The following GRID2 variants were observed in gnomAD, a reference collection of about 807,000 sequenced individuals.
GRID2 encodes glutamate receptor ionotropic, delta-2.
In GRID2, 33 loss-of-function variants were observed where a neutral mutation model predicts 114.8. The ratio of observed to expected loss-of-function variants is 0.29; its 90% CI spans 0.22 to 0.38. The LOEUF (loss-of-function observed/expected upper bound fraction) is 0.38, where lower values mean the gene tolerates loss of function less well. Among genes scored for constraint, GRID2 ranks in the 10% least tolerant of loss-of-function variants. The probability of loss-of-function intolerance (pLI) is 1.00; values close to 1 mark genes in which losing one functional copy is unlikely to be tolerated. For synonymous variants in GRID2, 505 were observed against 449.9 expected, an observed-to-expected ratio of 1.12 and a Z score of -1.55; for missense variants, 1,184 against 1,257.7, an observed-to-expected ratio of 0.94 and a Z score of 0.89.
chr4:92,438,307 G>A (rs1396860871), intron 1 of GRID2, among the ~76,000 whole-genome samples: 1 of 151,946 alleles, frequency 6.6e-6, no homozygotes, highest in African/African-American at 2.4e-5. Context: ...ACAGTATGAT[G>A]TATTTGTCAT....
intron 14 of GRID2, among the ~76,000 whole-genome samples, chr4:93,673,996 G>A (rs541416382): frequency 1.3e-5 from 2 of 151,024 alleles, no homozygotes; most frequent in African/African-American, 4.9e-5. Flanking sequence ...TCAGACTCAT[G>A]ACTTTTGGCT....
intron 2 of GRID2, among the ~76,000 whole-genome samples, chr4:92,746,053 C>G (rs1392726506): frequency 6.6e-6 from 1 of 152,078 alleles, no homozygotes; most frequent in African/African-American, 2.4e-5. Flanking sequence ...CGTCTGCATC[C>G]AGCCACTTTT....
intron 1 of GRID2, among the ~76,000 whole-genome samples, chr4:92,326,559 T>C (rs776207282): frequency 4.6e-5 from 7 of 151,904 alleles, no homozygotes; most frequent in South Asian, 2.1e-4. Flanking sequence ...AATGACTACA[T>C]CCATAATCTG....
At chr4:93,540,590 C>T (rs1379896659) in intron 13 of GRID2, among the ~76,000 whole-genome samples, 1 of 152,100 alleles carries the variant, frequency 6.6e-6, no homozygotes, top group Non-Finnish European at 1.5e-5. Flanking sequence ...ACAAATGGGA[C>T]AGAAGAGCTG....
At chr4:93,169,275 T>C (rs1738569974) in intron 4 of GRID2, among the ~76,000 whole-genome samples, 1 of 152,132 alleles carries the variant, frequency 6.6e-6, no homozygotes, top group Non-Finnish European at 1.5e-5. Context: ...TTTATTGATG[T>C]ACTTTCACAC....
chr4:93,683,380 C>A (rs1184611878), intron 14 of GRID2, among the ~76,000 whole-genome samples: 1 of 151,978 alleles, frequency 6.6e-6, no homozygotes, highest in Non-Finnish European at 1.5e-5. Context: ...GACTGGAATT[C>A]GCCTTAAGAT....
chr4:92,623,563 T>C (rs1730378504), intron 2 of GRID2, among the ~76,000 whole-genome samples: 2 of 151,842 alleles, frequency 1.3e-5, no homozygotes, highest in South Asian at 4.1e-4. Flanking sequence ...TTGAGTGGAA[T>C]AAAATGTGTG....
intron 4 of GRID2, among the ~76,000 whole-genome samples, chr4:93,114,869 C>A (rs1733092026): frequency 1.3e-5 from 2 of 152,060 alleles, no homozygotes; most frequent in South Asian, 4.1e-4. Flanking sequence ...GTGGAAGAGG[C>A]AGCATATAAT....
At chr4:92,665,016 T>A (rs573066555) in intron 2 of GRID2, among the ~76,000 whole-genome samples, 1 of 150,584 alleles carries the variant, frequency 6.6e-6, no homozygotes, top group African/African-American at 2.4e-5. Flanking sequence ...CAGAGCTTAA[T>A]CTACTTATGT....
intron 1 of GRID2, among the ~76,000 whole-genome samples, chr4:92,486,890 T>G (rs149892617): frequency 9.2e-5 from 14 of 152,134 alleles, no homozygotes; most frequent in African/African-American, 3.1e-4. Flanking sequence ...CTCAGAGATA[T>G]GGATATACAG....
chr4:93,601,287 T>G (rs535198871), intron 13 of GRID2, among the ~76,000 whole-genome samples: 1 of 152,096 alleles, frequency 6.6e-6, no homozygotes, highest in Admixed American at 6.6e-5. Flanking sequence ...GAACTGAAAA[T>G]AGAGTATATG....
At chr4:92,925,971 A>C (rs1242429332) in intron 2 of GRID2, among the ~76,000 whole-genome samples, 1 of 152,026 alleles carries the variant, frequency 6.6e-6, no homozygotes, top group African/African-American at 2.4e-5. Flanking sequence ...CTACTTACTA[A>C]TGTAAGTAGT....
rs72886260 is a variant in GRID2, at chr4:93,492,628, A to C, written c.1997+1851A>C. ...ACTTTTGTGTTATAGGCATGTAGGCATATATCCCAACATGAGTTAATTATG... is the reference window on the plus strand; with the variant it reads ...ACTTTTGTGTTATAGGCATGTAGGCCTATATCCCAACATGAGTTAATTATG... On this transcript the variant is annotated intron_variant, in intron 12 of 15. Coordinates refer to ENST00000282020, the MANE Select transcript of GRID2 (RefSeq NM_001510.4). Among the ~76,000 whole-genome samples the C allele has an allele frequency of 3.8e-3, 577 of 152,014 alleles. 1 individual carries two copies. Among genetic ancestry groups the C allele is most frequent in the African/African-American group, 0.013 (556 of 41,546 alleles).
chr4:92,532,501 C>A (rs970396851), intron 1 of GRID2, among the ~76,000 whole-genome samples: 4 of 152,060 alleles, frequency 2.6e-5, no homozygotes, highest in African/African-American at 7.2e-5. Flanking sequence ...TGATGATAAT[C>A]ATGTGAAAGT....
chr4:93,011,388 A>G (rs1257511939), intron 2 of GRID2, among the ~76,000 whole-genome samples: 2 of 152,012 alleles, frequency 1.3e-5, no homozygotes, highest in Non-Finnish European at 2.9e-5. Flanking sequence ...ACCTGCCAGT[A>G]GTGATAAAAA....
intron 2 of GRID2, among the ~76,000 whole-genome samples, chr4:92,799,017 A>G (rs997117468): frequency 1.3e-5 from 2 of 151,850 alleles, no homozygotes; most frequent in South Asian, 2.1e-4. Context: ...GTGGAAGACA[A>G]TTTTTCCATG....
intron 14 of GRID2, among the ~76,000 whole-genome samples, chr4:93,726,511 A>G (rs1167510397): frequency 6.6e-6 from 1 of 152,120 alleles, no homozygotes; most frequent in African/African-American, 2.4e-5. Flanking sequence ...GTTTTTTCCA[A>G]TTCTGTGTAG....
chr4:93,656,857 A>AAC (rs1553973735), intron 14 of GRID2, among the ~76,000 whole-genome samples: 1 of 93,802 alleles, frequency 1.1e-5, no homozygotes, highest in Non-Finnish European at 2.6e-5. Flanking sequence ...AAAAAAAAAA[A>AAC]CAAATAATTC....
At chr4:92,948,637 T>C (rs1412906818) in intron 2 of GRID2, among the ~76,000 whole-genome samples, 2 of 152,006 alleles carry the variant, frequency 1.3e-5, no homozygotes, top group Non-Finnish European at 2.9e-5. Context: ...AAATGCAATA[T>C]ATGAATGTTA....
Sources: gnomAD v4.1 joint callset for allele counts (sites outside exome capture counted in the v4.1 genomes callset) on GRCh38, gnomAD v4.1.1 for gene constraint, MANE v1.5 for transcripts, NCBI Gene and HGNC (gene_info 2026-07-23, HGNC 2026-07-21) for gene names.